The following AGBL1 variants were observed in gnomAD, a reference collection of about 807,000 sequenced individuals.
AGBL1 encodes the protein cytosolic carboxypeptidase 4.
In AGBL1, 130 loss-of-function variants were observed where a neutral mutation model predicts 118.9. The observed-to-expected ratio is 1.09, with a 90% CI of 0.95 to 1.26. The LOEUF (loss-of-function observed/expected upper bound fraction) is 1.26. Among genes scored for constraint, AGBL1 ranks in the 50% most tolerant of loss-of-function variants. The probability of loss-of-function intolerance (pLI) is 0.00; values close to 1 mark genes in which losing one functional copy is unlikely to be tolerated. For missense variants in AGBL1, 1,584 were observed against 1,298.1 expected, an observed-to-expected ratio of 1.22 and a Z score of -3.38; for synonymous variants, 555 against 478.9, an observed-to-expected ratio of 1.16 and a Z score of -2.08.
At chr15:86,586,126 T>G (rs2084244746) in intron 21 of AGBL1, among the ~76,000 whole-genome samples, 1 of 152,186 alleles carries the variant, frequency 6.6e-6, no homozygotes, top group Non-Finnish European at 1.5e-5. Context: ...TTTCTAAAAC[T>G]GAGTCAGAAA....
At chr15:86,788,708 C>T (rs2078449194) in intron 22 of AGBL1, among the ~76,000 whole-genome samples, 1 of 152,058 alleles carries the variant, frequency 6.6e-6, no homozygotes, top group Non-Finnish European at 1.5e-5. Context: ...AAATGTTGTG[C>T]TGAACAGTTT....
intron 22 of AGBL1, among the ~76,000 whole-genome samples, chr15:86,746,011 G>C (rs1409578117): frequency 6.6e-6 from 1 of 152,058 alleles, no homozygotes; most frequent in Non-Finnish European, 1.5e-5. Flanking sequence ...GGGCAGTGCA[G>C]GATAGTGACC....
At chr15:86,961,955 G>A (rs964464273) in intron 23 of AGBL1, among the ~76,000 whole-genome samples, 3 of 152,092 alleles carry the variant, frequency 2.0e-5, no homozygotes, top group Admixed American at 6.6e-5. Flanking sequence ...TGACTTTATA[G>A]AGTAATGTCC....
At chr15:86,184,388 C>T (rs1205694037) in intron 5 of AGBL1, among the ~76,000 whole-genome samples, 6 of 151,374 alleles carry the variant, frequency 4.0e-5, no homozygotes, top group Non-Finnish European at 5.9e-5. Flanking sequence ...TTTTGATTTT[C>T]CATGGACTTT....
chr15:86,970,035 T>C (rs2081091435), intron 23 of AGBL1, among the ~76,000 whole-genome samples: 1 of 151,822 alleles, frequency 6.6e-6, no homozygotes, highest in African/African-American at 2.4e-5. Context: ...AAGAGTTGTA[T>C]CCAGAATAAG....
chr15:86,968,063 T>C (rs1231504748), intron 23 of AGBL1, among the ~76,000 whole-genome samples: 1 of 152,022 alleles, frequency 6.6e-6, no homozygotes, highest in African/African-American at 2.4e-5. Context: ...AAACAAAATA[T>C]CAGGTTCTCT....
At chr15:86,110,550 G>T (rs549289945) in intron 1 of AGBL1, among the ~76,000 whole-genome samples, 1 of 152,076 alleles carries the variant, frequency 6.6e-6, no homozygotes, top group African/African-American at 2.4e-5. Flanking sequence ...CTGTCTCAGG[G>T]GTGGCAGAGG....
intron 22 of AGBL1, among the ~76,000 whole-genome samples, chr15:86,891,395 C>A (rs2080050168): frequency 6.6e-6 from 1 of 152,010 alleles, no homozygotes; most frequent in Admixed American, 6.6e-5. Context: ...TCCCATCTCC[C>A]TGTAAAGTGT....
chr15:86,127,288 A>G (rs2076759601), intron 1 of AGBL1, among the ~76,000 whole-genome samples: 2 of 152,208 alleles, frequency 1.3e-5, no homozygotes, highest in African/African-American at 2.4e-5. Flanking sequence ...TTCTTTTCAT[A>G]TATAACATTG....
At chr15:86,387,642 G>T (rs1375410809) in intron 17 of AGBL1, among the ~76,000 whole-genome samples, 1 of 152,182 alleles carries the variant, frequency 6.6e-6, no homozygotes, top group African/African-American at 2.4e-5. Context: ...TTAAGAAAAA[G>T]ATTTGTAGGC....
rs188656640 is a variant in AGBL1, at chr15:86,286,759, C to A, written c.2220+6976C>A. On this transcript the variant is annotated intron_variant, in intron 16 of 22. Coordinates refer to ENST00000614907, the MANE Select transcript of AGBL1 (RefSeq NM_001386094.1). Reference sequence around the variant, plus strand: ...TGTATATATATATATAAAACTCCATCAATGCGCACTGTGGTCGTTTCCATA... The same window carrying A: ...TGTATATATATATATAAAACTCCATAAATGCGCACTGTGGTCGTTTCCATA... Among the ~76,000 whole-genome samples, 75 of 85,780 alleles carry A rather than the reference C, an allele frequency of 8.7e-4. 3 individuals are homozygous for A. Among genetic ancestry groups the A allele is most frequent in the African/African-American group, 4.0e-3 (71 of 17,856 alleles). The allele number at this position is 85,780 out of a possible 152,430, so 56.3% of individuals were successfully genotyped here.
At chr15:86,667,803 T>A (rs1196514557) in intron 21 of AGBL1, among the ~76,000 whole-genome samples, 4 of 152,332 alleles carry the variant, frequency 2.6e-5, no homozygotes, top group African/African-American at 9.6e-5. Context: ...AATTCCTATT[T>A]ATATGTTTAG....
chr15:86,759,075 T>G (rs556469284), intron 22 of AGBL1, among the ~76,000 whole-genome samples: 9 of 152,194 alleles, frequency 5.9e-5, no homozygotes, highest in African/African-American at 1.9e-4. Context: ...TCAAAGGAGT[T>G]TAAATTGTAT....
In AGBL1 at chr15:86,416,187, A is replaced by G. The variant is rs1051012583; in HGVS notation, c.2555+18641A>G. On this transcript the variant is annotated intron_variant, in intron 18 of 22. Transcript: ENST00000614907. ...AGATGTAATTTGAGTAGAGATGACT[A>G]AATATTGACTCGTTTCTAAGAAGTG... 2.0e-5 allele frequency among the ~76,000 whole-genome samples: 3 copies of G among 152,200 alleles called. No individual in the cohort carries two copies. The South Asian group carries it at 6.2e-4, about 32-fold the overall frequency.
chr15:86,879,323 T>A (rs895412450), intron 22 of AGBL1, among the ~76,000 whole-genome samples: 6 of 152,144 alleles, frequency 3.9e-5, no homozygotes, highest in African/African-American at 1.4e-4. Context: ...GCTCCTCTGA[T>A]GGTTATAAAG....
In AGBL1 at chr15:86,350,872, C is replaced by T. The variant is rs1026625660; in HGVS notation, c.2375-46494C>T. ...CTATTTATGCCCTGGTGGCTTATGCCCTAATGGAAAATGTGTTAATCCGTT... is the reference window on the plus strand; with the variant it reads ...CTATTTATGCCCTGGTGGCTTATGCTCTAATGGAAAATGTGTTAATCCGTT... On this transcript the variant is annotated intron_variant, in intron 17 of 22. Coordinates refer to ENST00000614907, the MANE Select transcript of AGBL1 (RefSeq NM_001386094.1). Among the ~76,000 whole-genome samples the T allele has an allele frequency of 2.6e-5, 4 of 152,188 alleles. No homozygotes were observed. The South Asian group carries it at 6.2e-4, about 24-fold the overall frequency.
intron 5 of AGBL1, among the ~76,000 whole-genome samples, chr15:86,187,370 C>A (rs1451237628): frequency 6.6e-6 from 1 of 152,188 alleles, no homozygotes; most frequent in African/African-American, 2.4e-5. Flanking sequence ...AGAGTTCTGA[C>A]TTGAAACTTC....
chr15:86,113,516 C>G (rs1310278905), intron 1 of AGBL1, among the ~76,000 whole-genome samples: 1 of 152,016 alleles, frequency 6.6e-6, no homozygotes, highest in Admixed American at 6.6e-5. Context: ...GAACTCCTGA[C>G]TTCAGGTGGT....
chr15:86,102,798 C>G (rs1896814613), intron 1 of AGBL1, among the ~76,000 whole-genome samples: 1 of 152,120 alleles, frequency 6.6e-6, no homozygotes. Context: ...TTGGGGATCT[C>G]TAAGCTTTCT....
Sources: allele counts gnomAD v4.1 joint callset (sites outside exome capture counted in the v4.1 genomes callset), GRCh38; gene constraint gnomAD v4.1.1; transcripts MANE v1.5; gene names NCBI Gene and HGNC (gene_info 2026-07-23, HGNC 2026-07-21).